XRCC5: variants seen among roughly 807,000 people sequenced by gnomAD.
The protein encoded by XRCC5 is X-ray repair cross complementing 5, also known as DNA repair protein Ku80.
XRCC5 carries 12 observed loss-of-function variants against 95.7 expected under a neutral mutation model. The ratio of observed to expected loss-of-function variants is 0.13; its 90% CI spans 0.08 to 0.20. XRCC5 has a LOEUF of 0.20. Ranked by LOEUF, XRCC5 falls within the 10% of genes least tolerant of loss-of-function variation. The probability of loss-of-function intolerance (pLI) is 1.00; values close to 1 mark genes in which losing one functional copy is unlikely to be tolerated. For synonymous variants in XRCC5, 281 were observed against 290.3 expected, an observed-to-expected ratio of 0.97 and a Z score of 0.33; for missense variants, 595 against 873.9, an observed-to-expected ratio of 0.68 and a Z score of 4.02.
intron 15 of XRCC5, among the ~76,000 whole-genome samples, 168 bp from the exon 16 acceptor site, chr2:216,161,811 G>A (rs56312375): frequency 1.4e-4 from 21 of 152,154 alleles, no homozygotes; most frequent in African/African-American, 4.8e-4. Flanking sequence ...GAAATCTGCC[G>A]GCCTTTCACA....
At chr2:216,187,063 C>T (rs1309389554) in intron 16 of XRCC5, among the ~76,000 whole-genome samples, 1 of 152,156 alleles carries the variant, frequency 6.6e-6, no homozygotes, top group Non-Finnish European at 1.5e-5. Context: ...CAGTGAACCA[C>T]AAAAGTAGTC....
At chr2:216,119,369 A>G (rs1398377685) in intron 5 of XRCC5, among the ~76,000 whole-genome samples, 2 of 152,238 alleles carry the variant, frequency 1.3e-5, no homozygotes, top group Non-Finnish European at 2.9e-5. Context: ...TGACAAAAAG[A>G]TGAAAGTCAG....
At chr2:216,197,360 G>A (rs201032561) in intron 19 of XRCC5, among the ~76,000 whole-genome samples, 2 of 150,274 alleles carry the variant, frequency 1.3e-5, no homozygotes, top group African/African-American at 2.4e-5. Flanking sequence ...CAGGAGAACC[G>A]CTTGAACCCG....
At chr2:216,200,994 G>C (rs936746305) in intron 19 of XRCC5, among the ~76,000 whole-genome samples, 1 of 152,150 alleles carries the variant, frequency 6.6e-6, no homozygotes, top group South Asian at 2.1e-4. Flanking sequence ...ATACCATAAT[G>C]AATTTTTTCA....
At chr2:216,186,224 G>A (rs562099483) in intron 16 of XRCC5, among the ~76,000 whole-genome samples, 2 of 152,286 alleles carry the variant, frequency 1.3e-5, no homozygotes, top group East Asian at 3.9e-4. Context: ...AAGAACAGAG[G>A]TAGTGAGTAA....
chr2:216,112,340 G>A lies in XRCC5; in HGVS notation c.22-676G>A, dbSNP rs549586193. The stretch of plus-strand genomic sequence containing the variant: ...AGGAAGCCTTTTCTGCCCCTTCACC[G>A]CTCTGGTATCCCCTCCACCAGTCTT... On this transcript the variant is annotated intron_variant, in intron 1 of 20. Coordinates refer to ENST00000392132, the MANE Select transcript of XRCC5 (RefSeq NM_021141.4). 9.7e-4 allele frequency among the ~76,000 whole-genome samples: 147 copies of A among 152,240 alleles called. 1 individual carries two copies. The highest frequency in any genetic ancestry group is 3.3e-3 in the African/African-American group (139 of 41,536).
intron 16 of XRCC5, among the ~76,000 whole-genome samples, chr2:216,185,135 T>C (rs1318649088): frequency 1.3e-5 from 2 of 152,236 alleles, no homozygotes; most frequent in Non-Finnish European, 2.9e-5. Flanking sequence ...TTCTTTTTCC[T>C]GAGTACCAAG....
intron 10 of XRCC5, 97 bp downstream of exon 10, chr2:216,132,484 G>A: frequency 8.0e-7 from 1 of 1,249,616 alleles, no homozygotes. Flanking sequence ...AAAATGACAT[G>A]AATTCTTGCA....
At chr2:216,164,329 T>G (rs2106029174) in intron 16 of XRCC5, among the ~76,000 whole-genome samples, 1 of 152,374 alleles carries the variant, frequency 6.6e-6, no homozygotes, top group South Asian at 2.1e-4. Context: ...AGGGACTGAA[T>G]CTAGCTGTCA....
At chr2:216,144,792 G>A (rs1227557811) in intron 13 of XRCC5, among the ~76,000 whole-genome samples, 4 of 152,196 alleles carry the variant, frequency 2.6e-5, no homozygotes, top group Non-Finnish European at 5.9e-5. Context: ...GAGGCAGAAA[G>A]ACAAGTGAGT....
intron 14 of XRCC5, 144 bp downstream of exon 14, chr2:216,148,420 G>A: frequency 2.9e-6 from 2 of 699,866 alleles, no homozygotes; most frequent in Non-Finnish European, 4.6e-6. Flanking sequence ...CCCTTATATT[G>A]AAATATTGAT....
chr2:216,128,925 G>C, intron 8 of XRCC5, among the ~76,000 whole-genome samples: 1 of 152,218 alleles, frequency 6.6e-6, no homozygotes, highest in East Asian at 1.9e-4. Context: ...ATCTAGGCCT[G>C]TACTGCTTCA....
chr2:216,132,512 C>A, intron 10 of XRCC5, 125 bp downstream of exon 10: 1 of 931,062 alleles, frequency 1.1e-6, no homozygotes, highest in Non-Finnish European at 1.7e-6. Flanking sequence ...TGGGGAAATC[C>A]ACTGATGTTT....
chr2:216,150,072 G>A (rs41296434), intron 14 of XRCC5, among the ~76,000 whole-genome samples: 50 of 152,268 alleles, frequency 3.3e-4, no homozygotes, highest in Middle Eastern at 3.4e-3. Flanking sequence ...CAATTTTGAT[G>A]ATAAAGCTCC....
intron 16 of XRCC5, 119 bp downstream of exon 16, chr2:216,162,167 TC>T: frequency 1.0e-6 from 1 of 958,680 alleles, no homozygotes; most frequent in African/African-American, 1.6e-5. Flanking sequence ...TACTGGCGGA[TC>T]TTTGTGGTTT....
In XRCC5 at chr2:216,190,473, G is replaced by A. The variant is rs1689595894; in HGVS notation, c.1944+139G>A. The A allele has an allele frequency of 1.8e-5, 11 of 609,062 alleles. No homozygotes were observed. The South Asian group carries it at 3.2e-4, about 17-fold the overall frequency. The allele number at this position is 609,062 out of a possible 1,614,324, so 37.7% of individuals were successfully genotyped here. ...ATGAATAGCAGTGTATGCCAGTGGA[G>A]CTAAAAATGACTTAAATTCATGTTA... On this transcript the variant is annotated intron_variant, in intron 17 of 20. Coordinates refer to ENST00000392132, the MANE Select transcript of XRCC5 (RefSeq NM_021141.4).
chr2:216,177,609 G>A (rs1342255481), intron 16 of XRCC5, among the ~76,000 whole-genome samples: 1 of 152,140 alleles, frequency 6.6e-6, no homozygotes, highest in South Asian at 2.1e-4. Flanking sequence ...GCAGAAAGGC[G>A]ATTAATTGTG....
At chr2:216,174,908 T>C in intron 16 of XRCC5, 1 of 342,480 alleles carries the variant, frequency 2.9e-6, no homozygotes, top group Non-Finnish European at 5.7e-6. Flanking sequence ...AACCTTCTGC[T>C]ACCATATCCG....
chr2:216,142,277 T>A (rs1263013638), intron 13 of XRCC5, among the ~76,000 whole-genome samples: 2 of 152,184 alleles, frequency 1.3e-5, no homozygotes, highest in Admixed American at 6.5e-5. Flanking sequence ...TATAACATTG[T>A]TAGAGAAGAA....
Sources: allele counts gnomAD v4.1 joint callset (sites outside exome capture counted in the v4.1 genomes callset), GRCh38; gene constraint gnomAD v4.1.1; transcripts MANE v1.5; gene names NCBI Gene and HGNC (gene_info 2026-07-23, HGNC 2026-07-21).